Variants in FANCC observed in about 807,000 individuals in gnomAD.
FANCC encodes the protein FA complementation group C, also known as Fanconi anemia group C protein.
Under a neutral mutation model 71.3 loss-of-function variants are expected in FANCC, and 55 were observed. The observed-to-expected ratio is 0.77, with a 90% CI of 0.62 to 0.97. The LOEUF is 0.97. Ranked by LOEUF, FANCC falls within the 50% of genes least tolerant of loss-of-function variation. The pLI, the probability that FANCC is intolerant of heterozygous loss-of-function variation, is 0.00. For missense variants in FANCC, 678 were observed against 670.9 expected (o/e 1.01, Z -0.12); for synonymous variants, 275 against 244.9 (o/e 1.12, Z -1.15).
At chr9:95,313,243 A>T (rs1461353729) in intron 1 of FANCC, among the ~76,000 whole-genome samples, 1 of 152,210 alleles carries the variant, frequency 6.6e-6, no homozygotes, top group African/African-American at 2.4e-5. Context: ...CTGGCAAAGC[A>T]CACCCACCAA....
intron 1 of FANCC, among the ~76,000 whole-genome samples, chr9:95,281,985 A>G (rs1250955845): frequency 6.6e-6 from 1 of 151,188 alleles, no homozygotes; most frequent in Admixed American, 6.6e-5. Context: ...AGGAAGAAAG[A>G]AAGAAAAAAA....
intron 12 of FANCC, 158 bp downstream of exon 12, chr9:95,114,471 T>C (rs1356195162): frequency 5.3e-6 from 4 of 749,946 alleles, no homozygotes; most frequent in Non-Finnish European, 9.6e-6. Context: ...CGTGCAGCCA[T>C]GCGCTTCCTC....
intron 1 of FANCC, among the ~76,000 whole-genome samples, chr9:95,313,240 A>G: frequency 6.6e-6 from 1 of 152,238 alleles, no homozygotes; most frequent in East Asian, 1.9e-4. Flanking sequence ...GCGCTGGCAA[A>G]GCACACCCAC....
intron 1 of FANCC, among the ~76,000 whole-genome samples, chr9:95,296,124 C>T (rs1435818429): frequency 6.6e-6 from 1 of 152,096 alleles, no homozygotes; most frequent in Admixed American, 6.5e-5. Flanking sequence ...ATATGTACAA[C>T]TTTTTATATA....
chr9:95,271,924 C>CTTTTTTT (rs1300486732), intron 1 of FANCC, among the ~76,000 whole-genome samples: 2 of 67,238 alleles, frequency 3.0e-5, no homozygotes, highest in African/African-American at 4.9e-5. Flanking sequence ...CATCAAGCCT[C>CTTTTTTT]TTCTTTTTTT....
At chr9:95,219,924 C>T (rs1588300882) in intron 4 of FANCC, among the ~76,000 whole-genome samples, 1 of 152,136 alleles carries the variant, frequency 6.6e-6, no homozygotes, top group African/African-American at 2.4e-5. Context: ...TCAGAGTGAA[C>T]AGGCAACCTA....
chr9:95,227,168 G>C (rs2135967970), intron 4 of FANCC, among the ~76,000 whole-genome samples: 1 of 152,270 alleles, frequency 6.6e-6, no homozygotes, highest in South Asian at 2.1e-4. Context: ...CTCTCTAAGA[G>C]AAATGATCTA....
At chr9:95,263,955 T>C (rs941311656) in intron 1 of FANCC, among the ~76,000 whole-genome samples, 2 of 152,214 alleles carry the variant, frequency 1.3e-5, no homozygotes, top group Admixed American at 6.5e-5. Context: ...GTTCACTTTT[T>C]TCCATATCTG....
chr9:95,195,536 A>C (rs961069798), intron 4 of FANCC, among the ~76,000 whole-genome samples: 8 of 152,234 alleles, frequency 5.3e-5, no homozygotes, highest in African/African-American at 1.9e-4. Flanking sequence ...GTAAAGACTT[A>C]GTATTAAATA....
chr9:95,261,531 C>A (rs945995081), intron 1 of FANCC, among the ~76,000 whole-genome samples: 4 of 152,182 alleles, frequency 2.6e-5, no homozygotes, highest in Non-Finnish European at 5.9e-5. Flanking sequence ...ACTAATGCAG[C>A]AAAAGCAATT....
intron 4 of FANCC, among the ~76,000 whole-genome samples, chr9:95,188,414 T>C (rs1260584776): frequency 1.3e-5 from 2 of 152,018 alleles, no homozygotes; most frequent in Non-Finnish European, 2.9e-5. Context: ...ACTGAAAACA[T>C]CACACCCCAG....
Position 95,205,602 on chromosome 9 carries a change from G to A in FANCC, c.346-33455C>T, listed in dbSNP as rs147997139. On this transcript the variant is annotated intron_variant, in intron 4 of 14. Transcript: ENST00000289081. ...CTTTCAGAGAAAATGTTAAAGCTTC[G>A]GAATGATACATTTCCATTTGTACAC... is the stretch of plus-strand genomic sequence containing the variant. Among the ~76,000 whole-genome samples, 877 of 149,334 alleles carry A rather than the reference G, an allele frequency of 5.9e-3. 28 individuals are homozygous for A. The highest frequency in any genetic ancestry group is 0.051 in the Admixed American group (766 of 15,008).
chr9:95,259,752 G>C (rs1191502213), intron 1 of FANCC, among the ~76,000 whole-genome samples: 1 of 152,110 alleles, frequency 6.6e-6, no homozygotes, highest in Non-Finnish European at 1.5e-5. Flanking sequence ...AGAGTGAACG[G>C]GCAACCTACA....
In FANCC at chr9:95,230,139, G is replaced by T. The variant is rs138068387; in HGVS notation, c.345+10510C>A. ...GTTTGCCATTCAGAAATCAATGCAG[G>T]TATTTCTTTAAAGCCACAATGAAGA... On this transcript the variant is annotated intron_variant, in intron 4 of 14. Coordinates refer to ENST00000289081, the MANE Select transcript of FANCC (RefSeq NM_000136.3). 5.9e-5 allele frequency among the ~76,000 whole-genome samples: 9 copies of T among 152,230 alleles called. No individual in the cohort carries two copies. In the East Asian group the frequency reaches 1.5e-3, roughly 26 times the overall value.
At chr9:95,246,890 A>C (rs1220714365) in intron 3 of FANCC, among the ~76,000 whole-genome samples, 1 of 152,186 alleles carries the variant, frequency 6.6e-6, no homozygotes, top group South Asian at 2.1e-4. Flanking sequence ...ACCTCCCCAA[A>C]GTGCCCCCAC....
At chr9:95,238,159 G>GCT (rs911415000) in intron 4 of FANCC, among the ~76,000 whole-genome samples, 8 of 152,094 alleles carry the variant, frequency 5.3e-5, no homozygotes, top group Admixed American at 5.2e-4. Context: ...TCTCCCCAAG[G>GCT]CTCTCTCTAG....
At chr9:95,312,234 C>A (rs1437736921) in intron 1 of FANCC, among the ~76,000 whole-genome samples, 1 of 152,236 alleles carries the variant, frequency 6.6e-6, no homozygotes, top group South Asian at 2.1e-4. Context: ...AGACTAAATA[C>A]TCTCACCACT....
At chr9:95,136,761 G>C (rs1209472824) in intron 7 of FANCC, among the ~76,000 whole-genome samples, 6 of 152,138 alleles carry the variant, frequency 3.9e-5, no homozygotes, top group African/African-American at 1.4e-4. Context: ...TGGGAATACA[G>C]GCCTGAGCCC....
chr9:95,288,353 G>C (rs1039856148), intron 1 of FANCC, among the ~76,000 whole-genome samples: 3 of 152,144 alleles, frequency 2.0e-5, no homozygotes, highest in African/African-American at 7.2e-5. Flanking sequence ...ATTTGTTACA[G>C]CAGATCTTAA....
Sources: gnomAD v4.1 joint callset for allele counts (sites outside exome capture counted in the v4.1 genomes callset) on GRCh38, gnomAD v4.1.1 for gene constraint, MANE v1.5 for transcripts, NCBI Gene and HGNC (gene_info 2026-07-23, HGNC 2026-07-21) for gene names.